PSAT1: variants seen among roughly 807,000 people sequenced by gnomAD.
The protein encoded by PSAT1 is phosphoserine aminotransferase.
PSAT1 carries 41 observed loss-of-function variants against 40.3 expected under a neutral mutation model. The ratio of observed to expected loss-of-function variants is 1.02; its 90% CI spans 0.79 to 1.32. The LOEUF is 1.32. Among genes scored for constraint, PSAT1 ranks in the 40% most tolerant of loss-of-function variants. PSAT1 has a pLI of 0.00. For missense variants in PSAT1, 406 were observed against 455.8 expected, an observed-to-expected ratio of 0.89 and a Z score of 0.99; for synonymous variants, 147 against 170.5, an observed-to-expected ratio of 0.86 and a Z score of 1.07.
chr9:78,325,460 C>T (rs1226579505), intron 7 of PSAT1, among the ~76,000 whole-genome samples: 1 of 152,248 alleles, frequency 6.6e-6, no homozygotes, highest in Admixed American at 6.5e-5. Flanking sequence ...AGCCAGGAAG[C>T]CAGTGCTCCA....
In PSAT1 at chr9:78,308,548, A is replaced by G; in HGVS notation, c.705A>G (p.Gly235=). 6 of 1,614,008 alleles carry G rather than the reference A, an allele frequency of 3.7e-6. No homozygotes were observed. Among genetic ancestry groups the G allele is most frequent in the Non-Finnish European group, 5.1e-6 (6 of 1,180,020 alleles). Residue 235 remains glycine, a synonymous_variant, in exon 6 of 9, where the codon GGA becomes GGG. Coordinates refer to ENST00000376588, the MANE Select transcript of PSAT1 (RefSeq NM_058179.4). ...PSVLEYKVQA[G]NSSLYNTPPC... ...TCCTGGAATACAAGGTGCAGGCTGG[A>G]AACAGCTCCTTGTACAACACGCCTC...
At chr9:78,328,858 G>A in intron 8 of PSAT1, 123 bp from the exon 9 acceptor site, 1 of 775,596 alleles carries the variant, frequency 1.3e-6, no homozygotes, top group Non-Finnish European at 2.3e-6. Context: ...GAGTTTTTAG[G>A]TAGGAGACCG....
chr9:78,297,223 A>T lies in PSAT1; in HGVS notation c.13A>T (p.Arg5Trp). Residue 5 changes from arginine (R) to tryptophan (W), a missense_variant, in exon 1 of 9, where the codon AGG (arginine) becomes TGG (tryptophan). By Grantham distance (101) the Arg-to-Trp change is moderately radical. Coordinates refer to ENST00000376588, the MANE Select transcript of PSAT1 (RefSeq NM_058179.4). MDAP[R>W]QVVNFGPGPA... ...TGGCCGCCGCACCATGGACGCCCCC[A>T]GGCAGGTGGTCAACTTTGGGCCTGG... The T allele has an allele frequency of 6.2e-7, 1 of 1,602,338 alleles. No individual in the cohort carries two copies. Among genetic ancestry groups the T allele is most frequent in the South Asian group, 1.1e-5 (1 of 90,066 alleles).
chr9:78,297,254 C>T lies in PSAT1; in HGVS notation c.44C>T (p.Ala15Val), dbSNP rs1554685353. The change falls in exon 1 of 9, where the codon GCC becomes GTC. Residue 15 changes from alanine (A) to valine (V), a missense_variant. Coordinates refer to ENST00000376588, the MANE Select transcript of PSAT1 (RefSeq NM_058179.4). The stretch of plus-strand genomic sequence containing the variant: ...GTGGTCAACTTTGGGCCTGGTCCCG[C>T]CAAGCTGCCGCACTCAGTAAGTCCC... The part of the protein sequence containing the change: ...RQVVNFGPGP[A>V]KLPHSVLLEI... 6.2e-7 allele frequency: 1 copy of T among 1,601,512 alleles called. No homozygotes were observed. Among genetic ancestry groups the T allele is most frequent in the Non-Finnish European group, 8.5e-7 (1 of 1,178,416 alleles).
In PSAT1 at chr9:78,308,277, A is replaced by G; in HGVS notation, c.571-137A>G. ...TTGCTGTCCACATGGAGATTGCTTT[A>G]GAGCATGAACTGCTCCCTACACAGG... On this transcript the variant is annotated intron_variant, in intron 5 of 8. Transcript: ENST00000376588. The G allele has an allele frequency of 5.0e-6, 5 of 991,434 alleles. No homozygotes were observed. In the South Asian group the frequency reaches 6.9e-5, roughly 14 times the overall value. 61.4% of individuals were successfully genotyped at this position (991,434 alleles called of 1,614,324 possible).
At chr9:78,320,690 TCCATCCATC>T (rs1226423709) in intron 7 of PSAT1, among the ~76,000 whole-genome samples, 27 of 90,422 alleles carry the variant, frequency 3.0e-4, no homozygotes, top group Non-Finnish European at 5.4e-4. Context: ...CATCCAACCG[TCCATCCATC>T]CATAAAATGG....
intron 2 of PSAT1, among the ~76,000 whole-genome samples, chr9:78,301,219 A>C (rs1254349953): frequency 6.6e-6 from 1 of 152,146 alleles, no homozygotes; most frequent in Non-Finnish European, 1.5e-5. Flanking sequence ...ACCCTGTCAT[A>C]ATTGGTTTTT....
chr9:78,306,432 A>G lies in PSAT1; in HGVS notation c.516A>G (p.Val172=), dbSNP rs749688642. 4.3e-6 allele frequency: 7 copies of G among 1,614,088 alleles called. No homozygotes were observed. Among genetic ancestry groups the G allele is most frequent in the African/African-American group, 2.7e-5 (2 of 74,942 alleles). The change falls in exon 5 of 9, where the codon GTA becomes GTG. Residue 172 remains valine, a synonymous_variant. Transcript: ENST00000376588. ...TTATACCCGATGTCAAGGGAGCAGT[A>G]CTGGTTTGTGACATGTCCTCAAACT... The part of the protein sequence containing the change: ...FDFIPDVKGA[V]LVCDMSSNFL...
Position 78,301,980 on chromosome 9 carries a change from G to T in PSAT1, c.148G>T (p.Ala50Ser). 1 of 1,611,472 alleles carries T rather than the reference G, an allele frequency of 6.2e-7. No individual in the cohort carries two copies. The highest frequency in any genetic ancestry group is 8.5e-7 in the Non-Finnish European group (1 of 1,177,784). ...LEMSHRSSDFAKIINNTENLV... is the reference protein window; with the variant it reads ...LEMSHRSSDFSKIINNTENLV... ...AATGAGTCACAGGTCATCAGATTTT[G>T]CCAAGATTATTAACAATACAGAGAA... The change falls in exon 3 of 9, where the codon GCC becomes TCC. Residue 50 changes from alanine (A) to serine (S), a missense_variant. Coordinates refer to ENST00000376588, the MANE Select transcript of PSAT1 (RefSeq NM_058179.4).
intron 4 of PSAT1, among the ~76,000 whole-genome samples, chr9:78,305,260 G>A (rs1000779988): frequency 3.3e-5 from 5 of 152,162 alleles, no homozygotes; most frequent in African/African-American, 1.2e-4. Context: ...GATTACAGGT[G>A]CTGGCCACCA....
chr9:78,329,745 C>T lies in PSAT1; in HGVS notation c.*659C>T, dbSNP rs1828553771. 1 of 152,262 alleles carries T rather than the reference C, an allele frequency of 6.6e-6. No homozygotes were observed. Among genetic ancestry groups the T allele is most frequent in the Non-Finnish European group, 1.5e-5 (1 of 68,136 alleles). The allele number at this position is 152,262 out of a possible 1,614,324, so 9.4% of individuals were successfully genotyped here. A position where few individuals can be genotyped will look rare whatever the true frequency, so the allele number is the denominator to read the frequency against. On this transcript the variant is annotated 3_prime_UTR_variant, in exon 9 of 9. Coordinates refer to ENST00000376588, the MANE Select transcript of PSAT1 (RefSeq NM_058179.4). ...TAGACACTTTTAGAATTTATTAAAT[C>T]CTTGACCTTGTGCATTATAGCATTC...
rs140000211 is a variant in PSAT1, at chr9:78,308,712, T to C, written c.740+129T>C. 1.1e-3 allele frequency: 1,255 copies of C among 1,121,144 alleles called. 7 individuals are homozygous for C. Among genetic ancestry groups the C allele is most frequent in the African/African-American group, 7.5e-3 (482 of 64,212 alleles). The allele number at this position is 1,121,144 out of a possible 1,614,324, so 69.4% of individuals were successfully genotyped here. A position where few individuals can be genotyped will look rare whatever the true frequency, so the allele number is the denominator to read the frequency against. ...GGCTCACACCTGTAATCTTAGCAATTTGGGAGGCTGAGGTGGATGGACCAC... is the reference window on the plus strand; with the variant it reads ...GGCTCACACCTGTAATCTTAGCAATCTGGGAGGCTGAGGTGGATGGACCAC... On this transcript the variant is annotated intron_variant, in intron 6 of 8. Coordinates refer to ENST00000376588, the MANE Select transcript of PSAT1 (RefSeq NM_058179.4).
At chr9:78,297,901 A>G (rs1338182508) in intron 1 of PSAT1, among the ~76,000 whole-genome samples, 1 of 152,212 alleles carries the variant, frequency 6.6e-6, no homozygotes, top group African/African-American at 2.4e-5. Context: ...GAAAACCTTC[A>G]GTCCAGCTTT....
Position 78,302,009 on chromosome 9 carries a change from T to G in PSAT1, c.177T>G (p.Leu59=), listed in dbSNP as rs779816365. Residue 59 remains leucine (L), a synonymous_variant, in exon 3 of 9, where the codon CTT becomes CTG. Coordinates refer to ENST00000376588, the MANE Select transcript of PSAT1 (RefSeq NM_058179.4). Reference sequence around the variant, plus strand: ...AGATTATTAACAATACAGAGAATCTTGTGCGGGAATTGCTGTAAGTTTTAA... The same window carrying G: ...AGATTATTAACAATACAGAGAATCTGGTGCGGGAATTGCTGTAAGTTTTAA... ...FAKIINNTEN[L]VRELLAVPDN... is the part of the protein sequence containing the mutation. The G allele has an allele frequency of 1.2e-6, 2 of 1,610,558 alleles. No homozygotes were observed. The highest frequency in any genetic ancestry group is 3.3e-5 in the Admixed American group (2 of 60,002).
chr9:78,315,011 AG>A (rs773289645), intron 6 of PSAT1, among the ~76,000 whole-genome samples: 55 of 123,416 alleles, frequency 4.5e-4, no homozygotes, highest in Non-Finnish European at 8.9e-4. Context: ...AACAGGCTGC[AG>A]GTGTGGGAGA....
At chr9:78,314,894 A>G (rs1828318732) in intron 6 of PSAT1, among the ~76,000 whole-genome samples, 1 of 152,016 alleles carries the variant, frequency 6.6e-6, no homozygotes, top group African/African-American at 2.4e-5. Flanking sequence ...GCTTCAGGCA[A>G]AAGGGAAGCT....
chr9:78,312,397 T>C (rs1351610533), intron 6 of PSAT1, among the ~76,000 whole-genome samples: 2 of 152,164 alleles, frequency 1.3e-5, no homozygotes, highest in African/African-American at 2.4e-5. Context: ...AGGCCACCTG[T>C]TAAAAGAATG....
At chr9:78,328,754 C>T (rs1419638991) in intron 8 of PSAT1, among the ~76,000 whole-genome samples, 5 of 152,032 alleles carry the variant, frequency 3.3e-5, no homozygotes, top group African/African-American at 7.2e-5. Context: ...GTGAATAGTT[C>T]GAATGACTCT....
chr9:78,300,787 T>C (rs949005823), intron 2 of PSAT1, 125 bp downstream of exon 2: 1 of 1,389,078 alleles, frequency 7.2e-7, no homozygotes, highest in Non-Finnish European at 9.3e-7. Flanking sequence ...GTGATCATAG[T>C]TCACTGCAGC....
Sources: gnomAD v4.1 joint callset for allele counts (sites outside exome capture counted in the v4.1 genomes callset) on GRCh38, gnomAD v4.1.1 for gene constraint, MANE v1.5 for transcripts, NCBI Gene and HGNC (gene_info 2026-07-23, HGNC 2026-07-21) for gene names.